PARD3: variants seen among roughly 807,000 people sequenced by gnomAD.
PARD3 encodes the protein partitioning defective 3 homolog.
PARD3 carries 75 observed loss-of-function variants against 155.4 expected under a neutral mutation model. That is an observed-to-expected ratio of 0.48 (90% CI 0.40 to 0.58). PARD3 has a LOEUF of 0.58. Ranked by LOEUF, PARD3 falls within the 20% of genes least tolerant of loss-of-function variation. The probability of loss-of-function intolerance (pLI) is 0.00; values close to 1 mark genes in which losing one functional copy is unlikely to be tolerated. For missense variants in PARD3, 1,642 were observed against 1,721.7 expected (o/e 0.95, Z 0.82); for synonymous variants, 576 against 610.5 (o/e 0.94, Z 0.83).
chr10:34,714,937 G>A (rs977814260), intron 1 of PARD3, among the ~76,000 whole-genome samples: 9 of 151,856 alleles, frequency 5.9e-5, no homozygotes, highest in Non-Finnish European at 1.3e-4. Flanking sequence ...ACCACAGCCA[G>A]CTAATTTTGT....
At chr10:34,437,814 C>T (rs2076262538) in intron 5 of PARD3, among the ~76,000 whole-genome samples, 1 of 151,994 alleles carries the variant, frequency 6.6e-6, no homozygotes, top group Non-Finnish European at 1.5e-5. Flanking sequence ...TATTGTTTTT[C>T]CAATTTAACA....
chr10:34,812,486 A>G (rs1844312826), intron 1 of PARD3, among the ~76,000 whole-genome samples: 1 of 152,240 alleles, frequency 6.6e-6, no homozygotes, highest in South Asian at 2.1e-4. Flanking sequence ...ATACATATTA[A>G]CACTTCCTCA....
chr10:34,348,278 C>T (rs1837637925), intron 14 of PARD3, among the ~76,000 whole-genome samples, 163 bp from the exon 15 acceptor site: 2 of 152,176 alleles, frequency 1.3e-5, no homozygotes, highest in Admixed American at 6.5e-5. Context: ...GACAGCTCTG[C>T]CTAATGACCA....
chr10:34,611,304 T>G (rs1456575260), intron 2 of PARD3, among the ~76,000 whole-genome samples: 2 of 152,218 alleles, frequency 1.3e-5, no homozygotes, highest in Non-Finnish European at 2.9e-5. Flanking sequence ...ATAAATGTTT[T>G]CCATCACAAC....
intron 19 of PARD3, among the ~76,000 whole-genome samples, chr10:34,317,848 C>T (rs541756687): frequency 7.9e-5 from 12 of 152,360 alleles, no homozygotes; most frequent in African/African-American, 2.9e-4. Flanking sequence ...AGGCTCCCAA[C>T]ATATCCTGCT....
chr10:34,554,373 G>A (rs186737386), intron 2 of PARD3, among the ~76,000 whole-genome samples: 92 of 152,310 alleles, frequency 6.0e-4, no homozygotes, highest in African/African-American at 1.9e-3. Context: ...TATATTCCAT[G>A]TTAGTAATGA....
At chr10:34,415,238 CAA>C (rs1000779492) in intron 5 of PARD3, among the ~76,000 whole-genome samples, 1 of 152,080 alleles carries the variant, frequency 6.6e-6, no homozygotes, top group Non-Finnish European at 1.5e-5. Context: ...ACCTGTTGCA[CAA>C]ACACTCCCAC....
At chr10:34,466,096 A>G (rs1806851380) in intron 4 of PARD3, among the ~76,000 whole-genome samples, 1 of 152,176 alleles carries the variant, frequency 6.6e-6, no homozygotes, top group Non-Finnish European at 1.5e-5. Flanking sequence ...AATGTTCCCT[A>G]AAACAGTTGG....
intron 1 of PARD3, among the ~76,000 whole-genome samples, chr10:34,737,888 G>A (rs527364871): frequency 8.5e-5 from 13 of 152,276 alleles, no homozygotes; most frequent in African/African-American, 2.6e-4. Flanking sequence ...AGCACACCAC[G>A]CTAGGGACGC....
chr10:34,125,312 A>G (rs1947224996), intron 23 of PARD3, among the ~76,000 whole-genome samples: 1 of 151,906 alleles, frequency 6.6e-6, no homozygotes, highest in Admixed American at 6.6e-5. Flanking sequence ...GGATCCACCC[A>G]CCTGGGCCTC....
At position 34,323,837 on chromosome 10, in the gene PARD3, G is replaced by A. The variant is rs74131699; in HGVS notation, c.2834-6499C>T. 5.4e-3 allele frequency among the ~76,000 whole-genome samples: 828 copies of A among 152,222 alleles called. 9 individuals are homozygous for A. The highest frequency in any genetic ancestry group is 0.019 in the African/African-American group (774 of 41,546). On this transcript the variant is annotated intron_variant, in intron 19 of 24. Coordinates refer to ENST00000374788, the MANE Select transcript of PARD3 (RefSeq NM_001184785.2). The stretch of plus-strand genomic sequence containing the variant: ...CAATTTTCTGAACCTTCGCAAATTC[G>A]CTTTTAGTGTCCAACTGATTTTAAC...
intron 8 of PARD3, among the ~76,000 whole-genome samples, chr10:34,383,368 T>C (rs1278348818): frequency 1.4e-5 from 2 of 146,422 alleles, no homozygotes; most frequent in African/African-American, 5.2e-5. Context: ...TTGGGTTAGA[T>C]GTGTATTTAA....
intron 22 of PARD3, 78 bp from the exon 23 acceptor site, chr10:34,131,661 A>C (rs1197504540): frequency 7.7e-7 from 1 of 1,293,382 alleles, no homozygotes; most frequent in African/African-American, 1.5e-5. Context: ...AAAACATGGC[A>C]ACTTGCTGTG....
intron 1 of PARD3, among the ~76,000 whole-genome samples, chr10:34,760,228 C>T (rs1186213291): frequency 6.6e-6 from 1 of 152,022 alleles, no homozygotes; most frequent in East Asian, 1.9e-4. Flanking sequence ...TATTATGTTG[C>T]CCAGGCCGGT....
chr10:34,402,499 C>T (rs1843996087), intron 5 of PARD3, among the ~76,000 whole-genome samples: 1 of 152,114 alleles, frequency 6.6e-6, no homozygotes, highest in Admixed American at 6.5e-5. Flanking sequence ...TAAAGTTACC[C>T]TAAGCCAATC....
At chr10:34,725,157 G>GAC (rs1564549579) in intron 1 of PARD3, among the ~76,000 whole-genome samples, 69 of 52,744 alleles carry the variant, frequency 1.3e-3, no homozygotes, top group African/African-American at 2.9e-3. Flanking sequence ...GTGTGACAGA[G>GAC]AGAGAGAGAG....
chr10:34,236,395 A>G (rs551391295), intron 22 of PARD3, among the ~76,000 whole-genome samples: 1 of 152,208 alleles, frequency 6.6e-6, no homozygotes. Context: ...CACCTTTACT[A>G]AAGTTTTCCA....
At chr10:34,423,454 C>T (rs2075424498) in intron 5 of PARD3, among the ~76,000 whole-genome samples, 1 of 152,046 alleles carries the variant, frequency 6.6e-6, no homozygotes, top group South Asian at 2.1e-4. Context: ...GCTAAGAAAA[C>T]ATGTTTTAAG....
At chr10:34,131,934 G>A (rs943396892) in intron 22 of PARD3, among the ~76,000 whole-genome samples, 1 of 152,088 alleles carries the variant, frequency 6.6e-6, no homozygotes, top group African/African-American at 2.4e-5. Flanking sequence ...ACAGGGTCTG[G>A]TCCTAGCTTC....
Sources: allele counts gnomAD v4.1 joint callset (sites outside exome capture counted in the v4.1 genomes callset), GRCh38; gene constraint gnomAD v4.1.1; transcripts MANE v1.5; gene names NCBI Gene and HGNC (gene_info 2026-07-23, HGNC 2026-07-21).